Variants in CELF2 observed in about 807,000 individuals in gnomAD.
CELF2 encodes the protein CUG triplet repeat RNA-binding protein 2.
Under a neutral mutation model 62.6 loss-of-function variants are expected in CELF2, and 8 were observed. That is an observed-to-expected ratio of 0.13 (90% CI 0.07 to 0.23). CELF2 has a LOEUF of 0.23. CELF2 is among the 10% of genes least tolerant of loss of function. CELF2 has a pLI of 1.00. For missense variants in CELF2, 333 were observed against 671.0 expected, an observed-to-expected ratio of 0.50 and a Z score of 5.56; for synonymous variants, 258 against 250.0, an observed-to-expected ratio of 1.03 and a Z score of -0.30.
At chr10:10,563,627 A>G in the CELF2 span, among the ~76,000 whole-genome samples, 3 of 143,758 alleles carry the variant, frequency 2.1e-5, no homozygotes, top group South Asian at 2.3e-4. Context: ...AAAAAAAAAA[A>G]GGGCAAGGGG....
the CELF2 span, among the ~76,000 whole-genome samples, chr10:10,675,400 A>G: frequency 6.6e-6 from 1 of 152,004 alleles, no homozygotes; most frequent in Admixed American, 6.6e-5. Context: ...TTTGACTTTC[A>G]GAATTTTCTT....
At position 11,165,777 on chromosome 10, in the gene CELF2, G is replaced by C; in HGVS notation, c.271+95G>C. 8.3e-7 allele frequency: 1 copy of C among 1,206,002 alleles called. No individual in the cohort carries two copies. Among genetic ancestry groups the C allele is most frequent in the South Asian group, 1.5e-5 (1 of 67,846 alleles). The allele number at this position is 1,206,002 out of a possible 1,614,324, so 74.7% of individuals were successfully genotyped here. A position where few individuals can be genotyped will look rare whatever the true frequency, so the allele number is the denominator to read the frequency against. On this transcript the variant is annotated intron_variant, in intron 2 of 12. Transcript: ENST00000633077. The surrounding 1 kb of genome is among the most constrained non-coding windows in gnomAD (Gnocchi z 7.4). Reference sequence around the variant, plus strand: ...CCCCAGCCTGCAGGAGGAAGGGCGGGTAGGCAGGAGGGCTGGAAGCAGCCG... The same window carrying C: ...CCCCAGCCTGCAGGAGGAAGGGCGGCTAGGCAGGAGGGCTGGAAGCAGCCG...
chr10:10,942,110 AG>A (rs2047120057), intron 2 of CELF2, among the ~76,000 whole-genome samples: 1 of 152,058 alleles, frequency 6.6e-6, no homozygotes, highest in East Asian at 1.9e-4. Context: ...TTTGGGCCTC[AG>A]GAAAAAAAAA....
chr10:10,869,706 T>C (rs2060614966), intron 1 of CELF2, among the ~76,000 whole-genome samples: 1 of 152,214 alleles, frequency 6.6e-6, no homozygotes, highest in African/African-American at 2.4e-5. Context: ...TTTGGGATCC[T>C]CCATCTTTAC....
the CELF2 span, among the ~76,000 whole-genome samples, chr10:10,490,783 C>T: frequency 6.6e-6 from 1 of 152,106 alleles, no homozygotes; most frequent in East Asian, 1.9e-4. Context: ...CAGCCTTCTT[C>T]CCACATGAAT....
rs139184335 is a variant in CELF2 at position 11,254,396 on chromosome 10, A to G, written c.404-3342A>G. On this transcript the variant is annotated intron_variant, in intron 4 of 12. Coordinates refer to ENST00000633077, the MANE Select transcript of CELF2 (RefSeq NM_001326342.2). ...CACAGATGGAAGTTAACATTTTGAT[A>G]ACGTGGATGATGGAGGTTTCCATTT... Among the ~76,000 whole-genome samples the G allele has an allele frequency of 1.6e-4, 24 of 152,380 alleles. No individual in the cohort carries two copies. The East Asian group carries it at 4.6e-3, about 29-fold the overall frequency.
At chr10:10,833,260 G>A (rs1426986893) in intron 1 of CELF2, among the ~76,000 whole-genome samples, 3 of 152,210 alleles carry the variant, frequency 2.0e-5, no homozygotes, top group South Asian at 2.1e-4. Context: ...TAATGTAAAC[G>A]AAGCAATAGC....
chr10:10,492,766 T>C, the CELF2 span, among the ~76,000 whole-genome samples: 1 of 152,302 alleles, frequency 6.6e-6, no homozygotes, highest in East Asian at 1.9e-4. Context: ...TCATCTTGAA[T>C]TGTAGCTCCC....
At chr10:11,158,674 A>G (rs7095683) in intron 1 of CELF2, among the ~76,000 whole-genome samples, 22,698 of 151,970 alleles carry the variant, frequency 0.15, 2,607 homozygotes, top group African/African-American at 0.32. Flanking sequence ...GTCACATTGA[A>G]ATAAGGTAAT....
chr10:11,282,078 C>A (rs571554327), intron 8 of CELF2, among the ~76,000 whole-genome samples: 1 of 152,292 alleles, frequency 6.6e-6, no homozygotes, highest in South Asian at 2.1e-4. Context: ...GAGTTAACTT[C>A]TGGGCCCCTG....
intron 1 of CELF2, among the ~76,000 whole-genome samples, chr10:11,058,106 T>C (rs903944246): frequency 6.6e-6 from 1 of 150,598 alleles, no homozygotes; most frequent in Non-Finnish European, 1.5e-5. Context: ...TGTTAAAACC[T>C]GCCCTTCTGG....
At chr10:10,810,326 G>GT (rs1167721408) in intron 1 of CELF2, among the ~76,000 whole-genome samples, 2 of 152,208 alleles carry the variant, frequency 1.3e-5, no homozygotes, top group African/African-American at 4.8e-5. Flanking sequence ...CCTGCTGAAT[G>GT]TGAGAGCTAA....
chr10:11,026,083 A>C (rs1017441005), intron 1 of CELF2, among the ~76,000 whole-genome samples: 1 of 152,202 alleles, frequency 6.6e-6, no homozygotes, highest in African/African-American at 2.4e-5. Context: ...CAGACTTCAC[A>C]GAGAAATCTG....
upstream of CELF2, among the ~76,000 whole-genome samples, chr10:10,796,088 GAA>G (rs2054123668): frequency 6.6e-6 from 1 of 152,112 alleles, no homozygotes; most frequent in African/African-American, 2.4e-5. Context: ...AATCCCTTTT[GAA>G]AAGCCCCCAA....
intron 1 of CELF2, among the ~76,000 whole-genome samples, chr10:11,066,541 A>G (rs960149855): frequency 5.3e-5 from 8 of 152,138 alleles, no homozygotes; most frequent in African/African-American, 1.9e-4. Context: ...CACAGTAGTG[A>G]AACACTCATG....
chr10:11,305,067 C>G lies in CELF2; in HGVS notation c.977-9072C>G, dbSNP rs2094098688. On this transcript the variant is annotated intron_variant, in intron 9 of 12. Coordinates refer to ENST00000633077, the MANE Select transcript of CELF2 (RefSeq NM_001326342.2). This position sits in a 1 kb window ranked among gnomAD's most constrained non-coding sequence, Gnocchi z 4.8. ...CTTCTGGTTCAACTCGGTGCCCCTC[C>G]TCCAGCCCTGGCCCAGTGGATACAG... Among the ~76,000 whole-genome samples the G allele has an allele frequency of 6.6e-6, 1 of 152,216 alleles. No individual in the cohort carries two copies. The highest frequency in any genetic ancestry group is 1.5e-5 in the Non-Finnish European group (1 of 68,036).
At chr10:10,924,926 C>A (rs1429432073) in intron 2 of CELF2, 2 of 152,128 alleles carry the variant, frequency 1.3e-5, no homozygotes, top group Non-Finnish European at 2.9e-5. Flanking sequence ...GTGTGAAATT[C>A]TGGTCTTAAG....
Position 11,045,331 on chromosome 10 carries a change from G to A in CELF2, c.74+27168G>A, listed in dbSNP as rs560423722. On this transcript the variant is annotated intron_variant, in intron 1 of 12. Transcript: ENST00000633077. ...TTGCTCATGCTGGTCTAGAACTCCC[G>A]GCCTCAAGCAGTCCTCCCACTTCAA... Among the ~76,000 whole-genome samples, 15 of 152,184 alleles carry A rather than the reference G, an allele frequency of 9.9e-5. No individual in the cohort carries two copies. The South Asian group carries it at 1.0e-3, about 11-fold the overall frequency.
chr10:10,873,779 T>C (rs1350573900), intron 1 of CELF2, among the ~76,000 whole-genome samples: 1 of 152,216 alleles, frequency 6.6e-6, no homozygotes, highest in East Asian at 1.9e-4. Context: ...TATCCAGTTC[T>C]CCCTGTCCCT....
Sources: gnomAD v4.1 joint callset for allele counts (sites outside exome capture counted in the v4.1 genomes callset) on GRCh38, gnomAD v4.1.1 for gene constraint, Gnocchi (gnomAD v3.1) non-coding constraint, MANE v1.5 for transcripts, NCBI Gene and HGNC (gene_info 2026-07-23, HGNC 2026-07-21) for gene names.